PTPRO: variants seen among roughly 807,000 people sequenced by gnomAD.
The protein encoded by PTPRO is receptor-type tyrosine-protein phosphatase O.
PTPRO carries 62 observed loss-of-function variants against 145.2 expected under a neutral mutation model. That is an observed-to-expected ratio of 0.43 (90% CI 0.35 to 0.53). The LOEUF is 0.53. PTPRO is among the 20% of genes least tolerant of loss of function. The pLI is 0.01. For synonymous variants in PTPRO, 565 were observed against 514.7 expected (o/e 1.10, Z -1.32); for missense variants, 1,345 against 1,482.7 (o/e 0.91, Z 1.53).
chr12:15,359,662 A>G (rs1016228558), intron 1 of PTPRO, among the ~76,000 whole-genome samples: 3 of 152,070 alleles, frequency 2.0e-5, no homozygotes, highest in Non-Finnish European at 4.4e-5. Flanking sequence ...TGTGCGGATC[A>G]AGTGATCCAC....
intron 1 of PTPRO, among the ~76,000 whole-genome samples, chr12:15,414,002 C>T (rs1939875515): frequency 1.3e-5 from 2 of 152,218 alleles, no homozygotes; most frequent in South Asian, 4.2e-4. Flanking sequence ...ATTTCCATTT[C>T]CCTAAGTACA....
chr12:15,530,607 CA>C (rs1424695275), intron 12 of PTPRO, among the ~76,000 whole-genome samples: 1 of 152,026 alleles, frequency 6.6e-6, no homozygotes, highest in East Asian at 1.9e-4. Flanking sequence ...GGAAATTGAA[CA>C]ACATGTTCCT....
chr12:15,576,588 C>T (rs966214892), intron 19 of PTPRO, among the ~76,000 whole-genome samples: 1 of 152,168 alleles, frequency 6.6e-6, no homozygotes, highest in Admixed American at 6.5e-5. Flanking sequence ...AGTTGTTGGT[C>T]TGCTGGCATA....
rs1304695528 is a variant in PTPRO at position 15,457,592 on chromosome 12, A to T, written c.76-26382A>T. ...GTTATCTTCCTTTGTATTTTTTAAAATTTTTTATATTGATATTTTATATTG... is the reference window on the plus strand; with the variant it reads ...GTTATCTTCCTTTGTATTTTTTAAATTTTTTTATATTGATATTTTATATTG... On this transcript the variant is annotated intron_variant, in intron 1 of 26. Coordinates refer to ENST00000281171, the MANE Select transcript of PTPRO (RefSeq NM_030667.3). 3.3e-5 allele frequency among the ~76,000 whole-genome samples: 5 copies of T among 152,044 alleles called. No individual in the cohort carries two copies. In the East Asian group the frequency reaches 9.6e-4, roughly 29 times the overall value.
At chr12:15,592,090 T>G (rs1179779100) in intron 25 of PTPRO, among the ~76,000 whole-genome samples, 1 of 152,102 alleles carries the variant, frequency 6.6e-6, no homozygotes, top group African/African-American at 2.4e-5. Context: ...CTGTGTCTTT[T>G]TTTTTAACTT....
intron 1 of PTPRO, among the ~76,000 whole-genome samples, chr12:15,417,080 A>G (rs936918110): frequency 6.6e-6 from 1 of 151,648 alleles, no homozygotes; most frequent in East Asian, 1.9e-4. Flanking sequence ...GAACTATCTA[A>G]ACAACTTCCT....
At chr12:15,413,684 G>C (rs915681840) in intron 1 of PTPRO, among the ~76,000 whole-genome samples, 1 of 151,926 alleles carries the variant, frequency 6.6e-6, no homozygotes, top group Non-Finnish European at 1.5e-5. Flanking sequence ...GCATGGTAGC[G>C]CACACCTGTA....
intron 1 of PTPRO, among the ~76,000 whole-genome samples, chr12:15,456,132 G>C (rs1359033365): frequency 6.6e-6 from 1 of 152,122 alleles, no homozygotes; most frequent in Non-Finnish European, 1.5e-5. Context: ...TTAGTATATT[G>C]AGTTAGTTTC....
At chr12:15,473,148 G>C (rs1318810753) in intron 1 of PTPRO, among the ~76,000 whole-genome samples, 1 of 152,204 alleles carries the variant, frequency 6.6e-6, no homozygotes, top group Non-Finnish European at 1.5e-5. Context: ...AGCTCAGATA[G>C]AATTTCAGAC....
intron 1 of PTPRO, chr12:15,348,759 C>G (rs73057238): frequency 0.23 from 34,890 of 151,594 alleles, 4,347 homozygotes; most frequent in Non-Finnish European, 0.29. Flanking sequence ...CTGCATTCCA[C>G]CCTGGGCGAC....
intron 10 of PTPRO, 61 bp downstream of exon 10, chr12:15,520,373 G>A: frequency 7.6e-7 from 1 of 1,312,976 alleles, no homozygotes. Flanking sequence ...GAGTTACCAA[G>A]GTTCCAAATC....
intron 1 of PTPRO, among the ~76,000 whole-genome samples, chr12:15,471,126 A>G (rs1941529969): frequency 6.6e-6 from 1 of 152,168 alleles, no homozygotes; most frequent in South Asian, 2.1e-4. Context: ...ACCATAAAGA[A>G]TGTATCTATT....
At chr12:15,586,829 C>A in intron 23 of PTPRO, 68 bp from the exon 24 acceptor site, 1 of 1,579,314 alleles carries the variant, frequency 6.3e-7, no homozygotes, top group Non-Finnish European at 8.7e-7. Flanking sequence ...GCTTAACTAG[C>A]AGAGTCCTGG....
At chr12:15,586,665 A>C (rs1392755889) in intron 23 of PTPRO, among the ~76,000 whole-genome samples, 1 of 152,232 alleles carries the variant, frequency 6.6e-6, no homozygotes, top group East Asian at 1.9e-4. Context: ...TGTTGTCCAC[A>C]GGTACAGATT....
intron 19 of PTPRO, 125 bp downstream of exon 19, chr12:15,569,623 T>G (rs148935063): frequency 3.8e-6 from 3 of 794,244 alleles, no homozygotes; most frequent in Non-Finnish European, 6.3e-6. Flanking sequence ...GCCTGGGGAT[T>G]GCTGATCTGC....
At chr12:15,323,739 T>C (rs1322897699) in intron 1 of PTPRO, among the ~76,000 whole-genome samples, 1 of 152,224 alleles carries the variant, frequency 6.6e-6, no homozygotes, top group Non-Finnish European at 1.5e-5. Context: ...GAGCTATCCT[T>C]TCAGGACCAC....
intron 15 of PTPRO, among the ~76,000 whole-genome samples, chr12:15,552,208 C>T (rs1371036170): frequency 1.3e-5 from 2 of 152,060 alleles, no homozygotes; most frequent in Admixed American, 1.3e-4. Context: ...ATTAGAAAAG[C>T]CTTTGATTTA....
At chr12:15,364,526 A>G (rs993103211) in intron 1 of PTPRO, among the ~76,000 whole-genome samples, 51 of 152,164 alleles carry the variant, frequency 3.4e-4, no homozygotes, top group African/African-American at 1.2e-3. Context: ...CTATTCCTAT[A>G]TCATGACAGG....
chr12:15,474,620 A>G (rs942713563), intron 1 of PTPRO, among the ~76,000 whole-genome samples: 1 of 152,244 alleles, frequency 6.6e-6, no homozygotes, highest in African/African-American at 2.4e-5. Context: ...AAATCTCAGT[A>G]AAAATATTTT....
Sources: allele counts gnomAD v4.1 joint callset (sites outside exome capture counted in the v4.1 genomes callset), GRCh38; gene constraint gnomAD v4.1.1; transcripts MANE v1.5; gene names NCBI Gene and HGNC (gene_info 2026-07-23, HGNC 2026-07-21).